Variants in SOX6 observed in about 807,000 individuals in gnomAD.
SOX6 encodes SRY-box transcription factor 6, also known as transcription factor SOX-6.
SOX6 carries 11 observed loss-of-function variants against 97.8 expected under a neutral mutation model. That is an observed-to-expected ratio of 0.11 (90% CI 0.07 to 0.19). The LOEUF (loss-of-function observed/expected upper bound fraction) is 0.19. Ranked by LOEUF, SOX6 falls within the 10% of genes least tolerant of loss-of-function variation. SOX6 has a pLI of 1.00. For missense variants in SOX6, 810 were observed against 1,039.5 expected (o/e 0.78, Z 3.04); for synonymous variants, 360 against 371.4 (o/e 0.97, Z 0.35).
At chr11:16,651,283 T>C (rs1207063953) in intron 3 of SOX6, among the ~76,000 whole-genome samples, 2 of 151,984 alleles carry the variant, frequency 1.3e-5, no homozygotes, top group African/African-American at 4.8e-5. Flanking sequence ...ATGAAGCCAT[T>C]ATCACCCTAA....
rs1157865463 is a variant in SOX6 at position 16,234,657 on chromosome 11, C to T, written c.460G>A (p.Glu154Lys). ...RTEQEDSSCM[E>K]KLLSKDWKEK... ...TTCCAATCTTTTGAAAGTAGTTTTT[C>T]CATGCAGGAGGAATCTATTAAAATA... The change falls in exon 4 of 16, where the codon GAA becomes AAA. Residue 154 changes from glutamate to lysine, a missense_variant. Physicochemically the swap from Glu to Lys is moderately conservative, Grantham distance 56. Around this residue, in one of 9 missense-constraint regions of SOX6, gnomAD observed 110 missense variants for 119.0 expected, o/e 0.92. Coordinates refer to ENST00000683767, the MANE Select transcript of SOX6 (RefSeq NM_001367873.1). 3.8e-6 allele frequency: 6 copies of T among 1,581,906 alleles called. No individual in the cohort carries two copies. Among genetic ancestry groups the T allele is most frequent in the Non-Finnish European group, 5.2e-6 (6 of 1,156,052 alleles).
chr11:16,116,020 A>G (rs991679281), intron 6 of SOX6, among the ~76,000 whole-genome samples: 1 of 152,034 alleles, frequency 6.6e-6, no homozygotes, highest in Non-Finnish European at 1.5e-5. Context: ...AAATTGACTT[A>G]AACTTATTTT....
chr11:16,083,417 T>C (rs1299359324), intron 9 of SOX6, among the ~76,000 whole-genome samples: 1 of 152,236 alleles, frequency 6.6e-6, no homozygotes, highest in African/African-American at 2.4e-5. Flanking sequence ...AACAGGGTCT[T>C]ACACTTTTAA....
At chr11:16,190,032 G>C (rs908929064) in intron 4 of SOX6, among the ~76,000 whole-genome samples, 2 of 152,136 alleles carry the variant, frequency 1.3e-5, no homozygotes, top group African/African-American at 4.8e-5. Flanking sequence ...AGAGGCTAAA[G>C]ATAATACCTA....
At chr11:16,075,115 A>G (rs1848321474) in intron 9 of SOX6, among the ~76,000 whole-genome samples, 1 of 152,234 alleles carries the variant, frequency 6.6e-6, no homozygotes, top group Admixed American at 6.5e-5. Context: ...AAAAGTGGAC[A>G]AAAACAAGCA....
chr11:16,700,632 A>T (rs565706858), intron 3 of SOX6, among the ~76,000 whole-genome samples: 2 of 152,030 alleles, frequency 1.3e-5, no homozygotes, highest in Non-Finnish European at 2.9e-5. Context: ...AAGTCAGAGT[A>T]TTTCTTCTCC....
chr11:16,071,662 G>A (rs1377375775), intron 9 of SOX6, among the ~76,000 whole-genome samples: 1 of 152,124 alleles, frequency 6.6e-6, no homozygotes, highest in Non-Finnish European at 1.5e-5. Flanking sequence ...CTACAGGAAG[G>A]TACAACCCAG....
intron 4 of SOX6, among the ~76,000 whole-genome samples, chr11:16,590,018 T>C (rs1422378746): frequency 1.3e-5 from 2 of 152,128 alleles, no homozygotes; most frequent in South Asian, 4.1e-4. Context: ...AAAAAAATAA[T>C]ATGACAACAA....
At chr11:16,059,233 GA>G (rs1847890409) in intron 9 of SOX6, among the ~76,000 whole-genome samples, 1 of 151,994 alleles carries the variant, frequency 6.6e-6, no homozygotes, top group East Asian at 1.9e-4. Context: ...GGCAATAAAT[GA>G]AAATGTTAAT....
At chr11:16,504,671 C>A (rs7483029) in intron 4 of SOX6, among the ~76,000 whole-genome samples, 25,400 of 151,870 alleles carry the variant, frequency 0.17, 2,616 homozygotes, top group Admixed American at 0.3. Context: ...GCTCTGCGTC[C>A]CCTGCCCCCC....
In SOX6 at chr11:16,530,547, G is replaced by A. The variant is rs144732152; in HGVS notation, n.610-54159C>T. On this transcript the variant is annotated intron_variant and non_coding_transcript_variant, in intron 4 of 5. Coordinates refer to the SOX6 transcript ENST00000524520. ...GCCAGAATAAGGGAGAATACAACCT[G>A]ACACCAACCACCTCATGTTCAAGCA... 2.8e-3 allele frequency among the ~76,000 whole-genome samples: 428 copies of A among 152,044 alleles called. 1 individual carries two copies. Among genetic ancestry groups the A allele is most frequent in the Middle Eastern group, 0.01 (3 of 294 alleles).
chr11:16,622,322 TG>T (rs1848555942), intron 3 of SOX6, among the ~76,000 whole-genome samples: 1 of 152,246 alleles, frequency 6.6e-6, no homozygotes, highest in African/African-American at 2.4e-5. Context: ...TTTGGTTACA[TG>T]AATAAGTTCT....
At chr11:16,564,041 C>T (rs1400172783) in intron 4 of SOX6, among the ~76,000 whole-genome samples, 2 of 152,026 alleles carry the variant, frequency 1.3e-5, no homozygotes, top group African/African-American at 4.8e-5. Context: ...GAAATCAAAA[C>T]ATTCTCAAAT....
chr11:16,132,331 GA>G (rs1849779827), intron 6 of SOX6, among the ~76,000 whole-genome samples: 2 of 62,408 alleles, frequency 3.2e-5, no homozygotes, highest in Admixed American at 1.9e-4. Flanking sequence ...AGGAAGGAAG[GA>G]AAGAAAAAAG....
At chr11:16,649,558 G>A (rs1287659018) in intron 3 of SOX6, among the ~76,000 whole-genome samples, 1 of 152,130 alleles carries the variant, frequency 6.6e-6, no homozygotes, top group East Asian at 1.9e-4. Context: ...GCCTTCTTCA[G>A]ACAAACAAAT....
At chr11:16,471,244 A>C (rs1860137318) in intron 1 of SOX6, among the ~76,000 whole-genome samples, 1 of 152,188 alleles carries the variant, frequency 6.6e-6, no homozygotes, top group South Asian at 2.1e-4. Flanking sequence ...GGAAAAGAAA[A>C]AAAGGAAGTT....
chr11:16,634,718 A>G (rs949336627), intron 3 of SOX6, among the ~76,000 whole-genome samples: 2 of 152,080 alleles, frequency 1.3e-5, no homozygotes, highest in African/African-American at 4.8e-5. Flanking sequence ...TGTAATGTTT[A>G]AATTTTTCTA....
chr11:16,378,777 T>G (rs891067637), intron 1 of SOX6, among the ~76,000 whole-genome samples: 22 of 152,012 alleles, frequency 1.4e-4, no homozygotes, highest in Non-Finnish European at 2.1e-4. Context: ...AGATTTGATT[T>G]TCTAAAAATT....
intron 3 of SOX6, among the ~76,000 whole-genome samples, chr11:16,678,816 G>T (rs1190659017): frequency 6.6e-6 from 1 of 152,210 alleles, no homozygotes; most frequent in African/African-American, 2.4e-5. Flanking sequence ...GCCTGGCTCG[G>T]TGGGTCCCAC....
Sources: gnomAD v4.1 joint callset for allele counts (sites outside exome capture counted in the v4.1 genomes callset) on GRCh38, gnomAD v4.1.1 for gene constraint, gnomAD v4.1.1 regional missense constraint, MANE v1.5 for transcripts, NCBI Gene and HGNC (gene_info 2026-07-23, HGNC 2026-07-21) for gene names.